NECTIN4: variants seen among roughly 807,000 people sequenced by gnomAD.
NECTIN4 encodes the protein nectin-4.
In NECTIN4, 19 loss-of-function variants were observed where a neutral mutation model predicts 51.7. The ratio of observed to expected loss-of-function variants is 0.37; its 90% CI spans 0.26 to 0.54. The LOEUF (loss-of-function observed/expected upper bound fraction) is 0.54. Among genes scored for constraint, NECTIN4 ranks in the 20% least tolerant of loss-of-function variants. The pLI is 0.86. For synonymous variants in NECTIN4, 283 were observed against 286.9 expected (o/e 0.99, Z 0.14); for missense variants, 619 against 662.4 (o/e 0.93, Z 0.72).
chr1:161,088,765 C>T (rs980989577), intron 1 of NECTIN4, among the ~76,000 whole-genome samples: 4 of 152,184 alleles, frequency 2.6e-5, no homozygotes, highest in African/African-American at 9.7e-5. Flanking sequence ...AGGCTTCCTG[C>T]ACCCTGATGA....
Position 161,072,785 on chromosome 1 carries a change from T to A in NECTIN4, c.1409A>T (p.Glu470Val). Residue 470 changes from glutamate to valine, a missense_variant, in exon 9 of 9, where the codon GAG becomes GTG. By Grantham distance (121) the Glu-to-Val change is moderately radical. Transcript: ENST00000368012. ...GATGCCTTCATCCTGATCTTCCTCC[T>A]CCTCGGCCCGCCCAGAGCCTGGAGA... ...LLSPGSGRAE[E>V]EEDQDEGIKQ... The A allele has an allele frequency of 6.2e-7, 1 of 1,614,212 alleles. No individual in the cohort carries two copies. Among genetic ancestry groups the A allele is most frequent in the Non-Finnish European group, 8.5e-7 (1 of 1,180,034 alleles).
At chr1:161,076,541 G>T in intron 3 of NECTIN4, 66 bp from the exon 4 acceptor site, 1 of 1,599,008 alleles carries the variant, frequency 6.3e-7, no homozygotes, top group Non-Finnish European at 8.5e-7. Context: ...ACCTCAAAGG[G>T]CCCTGCCCCC....
In NECTIN4 at chr1:161,072,790, G is replaced by A. The variant is rs773050198; in HGVS notation, c.1404C>T (p.Ala468=). ...TELLSPGSGR[A]EEEEDQDEGI... ...CTTCATCCTGATCTTCCTCCTCCTC[G>A]GCCCGCCCAGAGCCTGGAGACAGCA... Residue 468 remains alanine, a synonymous_variant, in exon 9 of 9, where the codon GCC becomes GCT. Transcript: ENST00000368012. The A allele has an allele frequency of 9.9e-6, 16 of 1,614,036 alleles. No homozygotes were observed. The highest frequency in any genetic ancestry group is 5.3e-5 in the African/African-American group (4 of 74,910).
Position 161,089,254 on chromosome 1 carries a change from A to G in NECTIN4, c.43T>C (p.Trp15Arg). 1.2e-6 allele frequency: 2 copies of G among 1,612,158 alleles called. No homozygotes were observed. The highest frequency in any genetic ancestry group is 1.1e-5 in the South Asian group (1 of 91,080). ...LGAEMWGPEA[W>R]LLLLLLLASF... ...GCCAGCAGTAGCAGCAGCAGCAGCC[A>G]GGCCTCAGGCCCCCACATCTCGGCT... The change falls in exon 1 of 9, where the codon TGG becomes CGG. Residue 15 changes from tryptophan (W) to arginine (R), a missense_variant. This residue lies in a region of NECTIN4 where 218 missense variants were observed against 186.3 expected (regional missense o/e 1.17). Coordinates refer to ENST00000368012, the MANE Select transcript of NECTIN4 (RefSeq NM_030916.3). The surrounding 1 kb of genome is among the most constrained non-coding windows in gnomAD (Gnocchi z 4.1).
chr1:161,083,749 C>G (rs538245744), intron 1 of NECTIN4, among the ~76,000 whole-genome samples: 6 of 152,346 alleles, frequency 3.9e-5, no homozygotes, highest in East Asian at 3.9e-4. Flanking sequence ...TGGCCTCCCC[C>G]ACCCTGGCCA....
chr1:161,080,719 G>C (rs1653645538), intron 1 of NECTIN4, among the ~76,000 whole-genome samples: 1 of 152,118 alleles, frequency 6.6e-6, no homozygotes, highest in African/African-American at 2.4e-5. Context: ...TGGAATCGGA[G>C]GACAAGGGAC....
At position 161,079,625 on chromosome 1, in the gene NECTIN4, C is replaced by T; in HGVS notation, c.404G>A (p.Gly135Asp). Residue 135 changes from glycine to aspartate, a missense_variant, in exon 2 of 9, where the codon GGC (glycine) becomes GAC (aspartate). This residue lies in a region of NECTIN4 where 218 missense variants were observed against 186.3 expected (regional missense o/e 1.17). Coordinates refer to ENST00000368012, the MANE Select transcript of NECTIN4 (RefSeq NM_030916.3). The part of the protein sequence containing the change: ...YECRVSTFPA[G>D]SFQARLRLRV... Reference sequence around the variant, plus strand: ...GAGCCGCAGCCGCGCCTGGAAGCTGCCGGCGGGGAAGGTGCTGACCCGGCA... The same window carrying T: ...GAGCCGCAGCCGCGCCTGGAAGCTGTCGGCGGGGAAGGTGCTGACCCGGCA... 6.2e-7 allele frequency: 1 copy of T among 1,605,018 alleles called. No homozygotes were observed.
At position 161,076,804 on chromosome 1, in the gene NECTIN4, A is replaced by T. The variant is rs774807225; in HGVS notation, c.731-329T>A. Among the ~76,000 whole-genome samples, 28 of 152,230 alleles carry T rather than the reference A, an allele frequency of 1.8e-4. 1 individual carries two copies. Among genetic ancestry groups the T allele is most frequent in the Non-Finnish European group, 8.8e-5 (6 of 68,042 alleles). ...TAGTCATAGAACAGGTGCTGAATAA[A>T]TGTTGCCTGATTTTTCAAAGGTGTA... On this transcript the variant is annotated intron_variant, in intron 3 of 8. Transcript: ENST00000368012.
rs1571167686 is a variant in NECTIN4, at chr1:161,089,354, C to T, written c.-58G>A. Reference sequence around the variant, plus strand: ...GTTCCACCGAGATCTCCCTGGGAGCCGGCTGCAGACTTGAATAAGGAACTG... The same window carrying T: ...GTTCCACCGAGATCTCCCTGGGAGCTGGCTGCAGACTTGAATAAGGAACTG... On this transcript the variant is annotated 5_prime_UTR_variant, in exon 1 of 9. Transcript: ENST00000368012. The surrounding 1 kb of genome is among the most constrained non-coding windows in gnomAD (Gnocchi z 4.1). The T allele has an allele frequency of 8.0e-6, 12 of 1,506,184 alleles. No individual in the cohort carries two copies. The highest frequency in any genetic ancestry group is 1.7e-5 in the Admixed American group (1 of 59,592). 93.3% of individuals were successfully genotyped at this position (1,506,184 alleles called of 1,614,324 possible).
intron 1 of NECTIN4, among the ~76,000 whole-genome samples, chr1:161,081,657 T>C (rs1171148133): frequency 1.3e-5 from 2 of 152,146 alleles, no homozygotes; most frequent in African/African-American, 2.4e-5. Context: ...TCCCTGCCTC[T>C]GCCCAGCAAG....
intron 2 of NECTIN4, among the ~76,000 whole-genome samples, chr1:161,078,726 T>C (rs1249726394): frequency 2.0e-5 from 3 of 152,052 alleles, no homozygotes; most frequent in African/African-American, 7.2e-5. Flanking sequence ...TAAAAAGTGA[T>C]TGTGGCTGGG....
chr1:161,084,095 T>C (rs1653818291), intron 1 of NECTIN4, among the ~76,000 whole-genome samples: 1 of 152,212 alleles, frequency 6.6e-6, no homozygotes, highest in African/African-American at 2.4e-5. Flanking sequence ...ATGAGTTTTT[T>C]GTGTATGGGG....
rs765948110 is a variant in NECTIN4 at position 161,077,755 on chromosome 1, G to A, written c.440-12C>T. On this transcript the variant is annotated splice_polypyrimidine_tract_variant and intron_variant, in intron 2 of 8. Coordinates refer to ENST00000368012, the MANE Select transcript of NECTIN4 (RefSeq NM_030916.3). Reference sequence around the variant, plus strand: ...GGGCAGGGGAGGCACTGCAAATGGGGAAAGGCAGGGGTCACAGGTCTACAC... The same window carrying A: ...GGGCAGGGGAGGCACTGCAAATGGGAAAAGGCAGGGGTCACAGGTCTACAC... 6.2e-7 allele frequency: 1 copy of A among 1,602,936 alleles called. No homozygotes were observed. The highest frequency in any genetic ancestry group is 2.2e-5 in the East Asian group (1 of 44,848).
chr1:161,083,130 C>T lies in NECTIN4; in HGVS notation c.80-3181G>A, dbSNP rs1477854790. Reference sequence around the variant, plus strand: ...ACGATCCCCACCCCTAGGGGACACACTGAAGCTTCACAGACCGAGGAACCC... The same window carrying T: ...ACGATCCCCACCCCTAGGGGACACATTGAAGCTTCACAGACCGAGGAACCC... On this transcript the variant is annotated intron_variant, in intron 1 of 8. Coordinates refer to ENST00000368012, the MANE Select transcript of NECTIN4 (RefSeq NM_030916.3). Among the ~76,000 whole-genome samples the T allele has an allele frequency of 3.3e-5, 5 of 152,294 alleles. No individual in the cohort carries two copies. In the South Asian group the frequency reaches 6.2e-4, roughly 19 times the overall value.
chr1:161,075,716 G>A (rs1209449814), intron 4 of NECTIN4, among the ~76,000 whole-genome samples: 1 of 151,954 alleles, frequency 6.6e-6, no homozygotes, highest in East Asian at 1.9e-4. Flanking sequence ...AGGTTGCAGT[G>A]AGCCAAGATC....
rs370861383 is a variant in NECTIN4, at chr1:161,079,702, G to A, written c.327C>T (p.Asp109=). Residue 109 remains aspartate (D), a synonymous_variant, in exon 2 of 9, where the codon GAC becomes GAT. Transcript: ENST00000368012. ...EQPPPPRNPL[D]GSVLLRNAVQ... ...CTGCGTTGCGCAGGAGCACTGAGCC[G>A]TCCAGGGGGTTGCGTGGGGGCGGCG... is the stretch of plus-strand genomic sequence containing the variant. 15 of 1,608,506 alleles carry A rather than the reference G, an allele frequency of 9.3e-6. No homozygotes were observed. Among genetic ancestry groups the A allele is most frequent in the Admixed American group, 1.7e-5 (1 of 59,978 alleles).
At chr1:161,076,286 G>A in intron 4 of NECTIN4, 69 bp downstream of exon 4, 1 of 1,577,794 alleles carries the variant, frequency 6.3e-7, no homozygotes, top group Non-Finnish European at 8.7e-7. Context: ...TTCCATAGTG[G>A]TATATCCTGG....
At chr1:161,075,831 A>G (rs1653391160) in intron 4 of NECTIN4, among the ~76,000 whole-genome samples, 1 of 152,128 alleles carries the variant, frequency 6.6e-6, no homozygotes, top group African/African-American at 2.4e-5. Flanking sequence ...TAATCACAGT[A>G]CTTTGGAAGG....
At chr1:161,083,086 T>C (rs1426212957) in intron 1 of NECTIN4, among the ~76,000 whole-genome samples, 2 of 152,186 alleles carry the variant, frequency 1.3e-5, no homozygotes, top group Admixed American at 6.5e-5. Flanking sequence ...CAATCCTCCA[T>C]GTTCTCACCT....
Sources: gnomAD v4.1 joint callset for allele counts (sites outside exome capture counted in the v4.1 genomes callset) on GRCh38, gnomAD v4.1.1 for gene constraint, gnomAD v4.1.1 regional missense constraint, Gnocchi (gnomAD v3.1) non-coding constraint, MANE v1.5 for transcripts, NCBI Gene and HGNC (gene_info 2026-07-23, HGNC 2026-07-21) for gene names.